PCDH9: variants seen among roughly 807,000 people sequenced by gnomAD.
PCDH9 encodes protocadherin 9.
A neutral mutation model predicts 70.6 loss-of-function variants in PCDH9; 24 were observed. The observed-to-expected ratio is 0.34, with a 90% CI of 0.25 to 0.48. The LOEUF (loss-of-function observed/expected upper bound fraction) is 0.48, where lower values mean the gene tolerates loss of function less well. PCDH9 is among the 20% of genes least tolerant of loss of function. The probability of loss-of-function intolerance (pLI) is 0.99; values close to 1 mark genes in which losing one functional copy is unlikely to be tolerated. For synonymous variants in PCDH9, 562 were observed against 558.5 expected, an observed-to-expected ratio of 1.01 and a Z score of -0.09; for missense variants, 1,281 against 1,503.6, an observed-to-expected ratio of 0.85 and a Z score of 2.45.
chr13:66,391,321 C>T (rs2138268861), intron 4 of PCDH9, among the ~76,000 whole-genome samples: 1 of 152,282 alleles, frequency 6.6e-6, no homozygotes, highest in Admixed American at 6.5e-5. Flanking sequence ...ATATATTCTT[C>T]ATGTGGATGT....
At chr13:66,490,863 T>A (rs1959022372) in intron 4 of PCDH9, among the ~76,000 whole-genome samples, 1 of 152,198 alleles carries the variant, frequency 6.6e-6, no homozygotes, top group Non-Finnish European at 1.5e-5. Flanking sequence ...TGGATAAATG[T>A]ATTTCCTTAG....
chr13:66,559,749 G>C (rs1407511000), intron 4 of PCDH9, among the ~76,000 whole-genome samples: 1 of 140,666 alleles, frequency 7.1e-6, no homozygotes, highest in Non-Finnish European at 1.5e-5. Flanking sequence ...GCAGTGAGCT[G>C]AGATCGTGCC....
chr13:66,862,154 T>C (rs1237697261), intron 3 of PCDH9, among the ~76,000 whole-genome samples: 1 of 152,194 alleles, frequency 6.6e-6, no homozygotes, highest in African/African-American at 2.4e-5. Context: ...TTGTAGTCAT[T>C]TAAATAATAT....
Position 66,304,521 on chromosome 13 carries a change from T to C in PCDH9, c.*134A>G, listed in dbSNP as rs1955427192. 2.9e-6 allele frequency: 2 copies of C among 694,588 alleles called. No individual in the cohort carries two copies. Among genetic ancestry groups the C allele is most frequent in the East Asian group, 2.5e-5 (1 of 39,930 alleles). 43.0% of individuals were successfully genotyped at this position (694,588 alleles called of 1,614,324 possible). A position where few individuals can be genotyped will look rare whatever the true frequency, so the allele number is the denominator to read the frequency against. ...TGTTGCAAAAACATTGTATTCTCCA[T>C]GGTGCTAACACAAAGTTATAGGTAT... On this transcript the variant is annotated 3_prime_UTR_variant, in exon 5 of 5. Transcript: ENST00000377865.
chr13:67,107,154 C>A (rs936401311), intron 2 of PCDH9, among the ~76,000 whole-genome samples: 50 of 151,932 alleles, frequency 3.3e-4, no homozygotes, highest in African/African-American at 1.2e-3. Context: ...GTGGACCAGG[C>A]AGCCCCAAAT....
chr13:66,893,350 A>G (rs2082125957), intron 3 of PCDH9, among the ~76,000 whole-genome samples: 1 of 152,150 alleles, frequency 6.6e-6, no homozygotes, highest in Admixed American at 6.6e-5. Flanking sequence ...CTAGTCTCCA[A>G]TCCTGGGTCT....
intron 4 of PCDH9, among the ~76,000 whole-genome samples, chr13:66,345,344 G>A (rs186290484): frequency 2.1e-4 from 32 of 152,228 alleles, no homozygotes; most frequent in Admixed American, 5.2e-4. Context: ...TTACTCCAAA[G>A]GGCAACAGCA....
At chr13:66,916,692 A>G (rs1299669155) in intron 2 of PCDH9, among the ~76,000 whole-genome samples, 1 of 151,550 alleles carries the variant, frequency 6.6e-6, no homozygotes, top group Non-Finnish European at 1.5e-5. Flanking sequence ...GATTTGACCG[A>G]ACTTTACCAA....
At chr13:66,325,150 C>T (rs1434209241) in intron 4 of PCDH9, among the ~76,000 whole-genome samples, 3 of 151,954 alleles carry the variant, frequency 2.0e-5, no homozygotes, top group African/African-American at 7.3e-5. Context: ...GGTGGGGTCC[C>T]TGTAATACAA....
chr13:66,632,111 T>A (rs1480773706), intron 3 of PCDH9, among the ~76,000 whole-genome samples: 1 of 152,144 alleles, frequency 6.6e-6, no homozygotes, highest in Non-Finnish European at 1.5e-5. Flanking sequence ...GCCAGGCTGA[T>A]CTTGAACTCC....
At position 67,225,493 on chromosome 13, in the gene PCDH9, C is replaced by T. The variant is rs1198461208; in HGVS notation, c.2948G>A (p.Arg983His). The T allele has an allele frequency of 6.8e-6, 11 of 1,613,952 alleles. No homozygotes were observed. Among genetic ancestry groups the T allele is most frequent in the Admixed American group, 5.0e-5 (3 of 60,022 alleles). Reference sequence around the variant, plus strand: ...GAAGTGATCTGAACTAGTGGAAGAGCGTTTAGAAAGGGTGTCACAACCCCC... The same window carrying T: ...GAAGTGATCTGAACTAGTGGAAGAGTGTTTAGAAAGGGTGTCACAACCCCC... Reference protein sequence around the residue: ...FVGGCDTLSKRSSTSSDHFSA... With the variant: ...FVGGCDTLSKHSSTSSDHFSA... Residue 983 changes from arginine (R) to histidine (H), a missense_variant, in exon 2 of 5, where the codon CGC becomes CAC. Arg to His is a conservative substitution (Grantham distance 29). Transcript: ENST00000377865.
At chr13:66,973,852 T>G (rs2083567470) in intron 2 of PCDH9, among the ~76,000 whole-genome samples, 1 of 152,058 alleles carries the variant, frequency 6.6e-6, no homozygotes, top group African/African-American at 2.4e-5. Context: ...CCCCAAGGTT[T>G]GTTAGCATTT....
intron 2 of PCDH9, among the ~76,000 whole-genome samples, chr13:66,957,492 A>C (rs1003534291): frequency 2.0e-5 from 3 of 152,232 alleles, no homozygotes; most frequent in Admixed American, 6.5e-5. Flanking sequence ...AAGAAAGACC[A>C]GTCAGCAATG....
chr13:66,942,921 A>T (rs1324862410), intron 2 of PCDH9, among the ~76,000 whole-genome samples: 1 of 152,140 alleles, frequency 6.6e-6, no homozygotes, highest in Admixed American at 6.5e-5. Flanking sequence ...AAACTTGAAG[A>T]ACAGAGATGG....
At chr13:66,924,319 A>C (rs1566296190) in intron 2 of PCDH9, among the ~76,000 whole-genome samples, 1 of 151,858 alleles carries the variant, frequency 6.6e-6, no homozygotes, top group Non-Finnish European at 1.5e-5. Flanking sequence ...CTGTTTTGAA[A>C]ATATTTTAAA....
intron 2 of PCDH9, among the ~76,000 whole-genome samples, chr13:67,094,317 ACCC>A (rs1417881889): frequency 6.6e-6 from 1 of 151,946 alleles, no homozygotes; most frequent in Non-Finnish European, 1.5e-5. Flanking sequence ...TTCCAGCAAA[ACCC>A]TTCTTGCTGG....
chr13:67,110,908 T>C (rs1408853465), intron 2 of PCDH9, among the ~76,000 whole-genome samples: 2 of 152,232 alleles, frequency 1.3e-5, no homozygotes, highest in Non-Finnish European at 2.9e-5. Flanking sequence ...TCTGAAATTA[T>C]ACAAATTAAT....
Position 67,046,188 on chromosome 13 carries a change from C to A in PCDH9, c.3037-142583G>T, listed in dbSNP as rs1013300329. On this transcript the variant is annotated intron_variant, in intron 2 of 4. Transcript: ENST00000377865. ...TAAGGTACCCTGCTAGCTATGTGGG[C>A]TTCTCCAGCAGTTATAAAAATGTTG... Among the ~76,000 whole-genome samples, 3 of 152,130 alleles carry A rather than the reference C, an allele frequency of 2.0e-5. No individual in the cohort carries two copies. The South Asian group carries it at 6.2e-4, about 32-fold the overall frequency.
At chr13:67,021,221 T>A (rs1347296540) in intron 2 of PCDH9, among the ~76,000 whole-genome samples, 1 of 152,168 alleles carries the variant, frequency 6.6e-6, no homozygotes, top group Non-Finnish European at 1.5e-5. Flanking sequence ...ATACAAGTAC[T>A]AGCAAAGAAA....
Sources: allele counts gnomAD v4.1 joint callset (sites outside exome capture counted in the v4.1 genomes callset), GRCh38; gene constraint gnomAD v4.1.1; transcripts MANE v1.5; gene names NCBI Gene and HGNC (gene_info 2026-07-23, HGNC 2026-07-21).